The following SYN3 variants were observed in gnomAD, a reference collection of about 807,000 sequenced individuals.
The protein encoded by SYN3 is synapsin III.
SYN3 carries 35 observed loss-of-function variants against 65.8 expected under a neutral mutation model. That is an observed-to-expected ratio of 0.53 (90% confidence interval 0.41 to 0.70). The LOEUF is 0.70. SYN3 is among the 30% of genes least tolerant of loss of function. The probability of loss-of-function intolerance (pLI) is 0.00; values close to 1 mark genes in which losing one functional copy is unlikely to be tolerated. For synonymous variants in SYN3, 270 were observed against 292.9 expected (o/e 0.92, Z 0.80); for missense variants, 680 against 749.0 (o/e 0.91, Z 1.08).
At chr22:33,043,207 A>C (rs1186682097) in intron 1 of SYN3, among the ~76,000 whole-genome samples, 2 of 152,158 alleles carry the variant, frequency 1.3e-5, no homozygotes, top group Non-Finnish European at 2.9e-5. Context: ...CCTCCTTCTC[A>C]TACTCTAAAG....
At chr22:32,876,928 A>G (rs2049000227) in intron 4 of SYN3, among the ~76,000 whole-genome samples, 1 of 152,256 alleles carries the variant, frequency 6.6e-6, no homozygotes, top group Admixed American at 6.5e-5. Flanking sequence ...CACATGCATA[A>G]ATAGATAGAT....
At chr22:32,542,655 C>T (rs79731170) in intron 7 of SYN3, among the ~76,000 whole-genome samples, 7,927 of 130,908 alleles carry the variant, frequency 0.061, 290 homozygotes, top group African/African-American at 0.12. Flanking sequence ...TGTGTGTGTG[C>T]GCGCGCACAC....
At chr22:32,723,757 A>G (rs1250794470) in intron 6 of SYN3, among the ~76,000 whole-genome samples, 1 of 152,244 alleles carries the variant, frequency 6.6e-6, no homozygotes, top group East Asian at 1.9e-4. Flanking sequence ...GGCAGGTTGA[A>G]ACAGGAAACT....
intron 8 of SYN3, 53 bp downstream of exon 8, chr22:32,541,518 C>T (rs2146239072): frequency 1.9e-6 from 3 of 1,609,042 alleles, no homozygotes; most frequent in South Asian, 2.2e-5. Flanking sequence ...TGGACATGCA[C>T]CTCTGGGCTG....
intron 6 of SYN3, 110 bp downstream of exon 6, chr22:32,864,805 G>T: frequency 1.0e-6 from 1 of 966,862 alleles, no homozygotes; most frequent in Non-Finnish European, 1.6e-6. Context: ...AGTCTGCGTG[G>T]TCAGTGTACA....
intron 6 of SYN3, among the ~76,000 whole-genome samples, chr22:32,840,414 A>G (rs1257648627): frequency 6.6e-6 from 1 of 151,950 alleles, no homozygotes; most frequent in Non-Finnish European, 1.5e-5. Flanking sequence ...GCCCTGGGGG[A>G]CCAGGGTAGG....
chr22:32,619,345 TA>T (rs1165867118), intron 6 of SYN3, among the ~76,000 whole-genome samples: 42 of 152,222 alleles, frequency 2.8e-4, no homozygotes, highest in African/African-American at 9.9e-4. Context: ...AGCCTGCTAA[TA>T]AATACCAGCC....
chr22:32,990,407 GCCATCCATCCATCCAT>G (rs133923), intron 2 of SYN3, among the ~76,000 whole-genome samples: 3,942 of 144,666 alleles, frequency 0.027, 184 homozygotes, highest in African/African-American at 0.094. Flanking sequence ...CATCCATCCA[GCCATCCATCCATCCAT>G]CCATCCATCC....
chr22:32,775,325 C>A (rs1243637464), intron 6 of SYN3, among the ~76,000 whole-genome samples: 1 of 152,126 alleles, frequency 6.6e-6, no homozygotes, highest in Non-Finnish European at 1.5e-5. Flanking sequence ...TCACTAAATA[C>A]AGCTGCACTG....
intron 3 of SYN3, among the ~76,000 whole-genome samples, chr22:32,944,164 A>G (rs2051031657): frequency 6.6e-6 from 1 of 152,178 alleles, no homozygotes; most frequent in African/African-American, 2.4e-5. Context: ...GCATCACATC[A>G]CACTTATTCC....
At chr22:32,717,795 G>T (rs1005861062) in intron 6 of SYN3, among the ~76,000 whole-genome samples, 1 of 152,102 alleles carries the variant, frequency 6.6e-6, no homozygotes, top group South Asian at 2.1e-4. Context: ...GACTGACAAG[G>T]CCTGTCAAAC....
At chr22:32,998,435 G>A (rs2052951515) in intron 2 of SYN3, among the ~76,000 whole-genome samples, 1 of 152,084 alleles carries the variant, frequency 6.6e-6, no homozygotes, top group South Asian at 2.1e-4. Context: ...GAAACCATTG[G>A]GAAGGGTGGG....
chr22:32,750,817 A>G (rs2045096761), intron 6 of SYN3, among the ~76,000 whole-genome samples: 1 of 152,062 alleles, frequency 6.6e-6, no homozygotes, highest in Non-Finnish European at 1.5e-5. Flanking sequence ...GAAGACTCCA[A>G]GGTTTGGGGT....
At chr22:32,572,058 C>T (rs368505499) in intron 7 of SYN3, among the ~76,000 whole-genome samples, 4 of 151,762 alleles carry the variant, frequency 2.6e-5, no homozygotes, top group Non-Finnish European at 5.9e-5. Context: ...GGGCATGAAT[C>T]GCATCATGCT....
At chr22:32,944,236 T>A (rs921966493) in intron 3 of SYN3, among the ~76,000 whole-genome samples, 1 of 152,124 alleles carries the variant, frequency 6.6e-6, no homozygotes, top group Non-Finnish European at 1.5e-5. Context: ...ACAGAAATTA[T>A]AACAAACTGT....
intron 6 of SYN3, among the ~76,000 whole-genome samples, chr22:32,663,761 A>G (rs944062930): frequency 6.6e-6 from 1 of 152,204 alleles, no homozygotes; most frequent in Non-Finnish European, 1.5e-5. Flanking sequence ...AAAATTTTGC[A>G]TTGCACAATG....
chr22:32,719,043 C>T (rs529364903), intron 6 of SYN3, among the ~76,000 whole-genome samples: 1 of 152,310 alleles, frequency 6.6e-6, no homozygotes, highest in East Asian at 1.9e-4. Context: ...CCTCATCTTC[C>T]AAGGACCAGC....
intron 6 of SYN3, chr22:32,862,255 T>C (rs1311660238): frequency 2.0e-5 from 3 of 152,284 alleles, no homozygotes; most frequent in African/African-American, 7.2e-5. Context: ...AAGTTCTCGC[T>C]TCCTCCTTTG....
intron 6 of SYN3, among the ~76,000 whole-genome samples, chr22:32,822,938 A>C (rs1246601274): frequency 3.4e-5 from 4 of 116,234 alleles, no homozygotes; most frequent in African/African-American, 1.5e-4. Flanking sequence ...ACAAAAAAAA[A>C]ACAGAGAGAG....
Sources: gnomAD v4.1 joint callset for allele counts (sites outside exome capture counted in the v4.1 genomes callset) on GRCh38, gnomAD v4.1.1 for gene constraint, MANE v1.5 for transcripts, NCBI Gene and HGNC (gene_info 2026-07-23, HGNC 2026-07-21) for gene names.